TEX9: variants seen among roughly 807,000 people sequenced by gnomAD.
TEX9 encodes the protein testis-expressed protein 9.
TEX9 carries 74 observed loss-of-function variants against 59.6 expected under a neutral mutation model. That is an observed-to-expected ratio of 1.24 (90% CI 1.03 to 1.51). The LOEUF (loss-of-function observed/expected upper bound fraction) is 1.51. Among genes scored for constraint, TEX9 ranks in the 40% most tolerant of loss-of-function variants. The probability of loss-of-function intolerance (pLI) is 0.00; values close to 1 mark genes in which losing one functional copy is unlikely to be tolerated. For synonymous variants in TEX9, 186 were observed against 152.2 expected (o/e 1.22, Z -1.64); for missense variants, 522 against 447.8 (o/e 1.17, Z -1.49).
At chr15:56,429,773 T>TAAAG (rs1315817042) in intron 12 of TEX9, 1 of 152,216 alleles carries the variant, frequency 6.6e-6, no homozygotes, top group East Asian at 1.9e-4. Context: ...ATCTAAAGAA[T>TAAAG]AAAGAATTTT....
intron 1 of TEX9, among the ~76,000 whole-genome samples, chr15:56,265,797 A>G (rs2044365624): frequency 6.6e-6 from 1 of 152,148 alleles, no homozygotes; most frequent in Admixed American, 6.5e-5. Context: ...TTTTTGGAAA[A>G]GAATATTCTC....
At position 56,261,516 on chromosome 15, in the gene TEX9, G is replaced by A. The variant is rs534768806; in HGVS notation, c.-107+17238G>A. 1.1e-4 allele frequency among the ~76,000 whole-genome samples: 16 copies of A among 151,924 alleles called. No individual in the cohort carries two copies. The East Asian group carries it at 2.1e-3, about 20-fold the overall frequency. ...GTGGATCACTTGAGGTCAGGAGTTC[G>A]AGACCAGCCTGACCAACATGGCGAA... is the stretch of plus-strand genomic sequence containing the variant. On this transcript the variant is annotated intron_variant, in intron 1 of 5. Coordinates refer to the TEX9 transcript ENST00000560827.
intron 10 of TEX9, among the ~76,000 whole-genome samples, chr15:56,419,006 A>T (rs962028755): frequency 5.9e-5 from 9 of 151,898 alleles, no homozygotes; most frequent in Admixed American, 1.3e-4. Context: ...TTGACATCTT[A>T]ATAGCGTCTT....
rs1052561447 is a variant in TEX9, at chr15:56,249,661, T to C, written c.-107+5383T>C. ...GCTGAGGCTAAGGCAGAGAATTGCT[T>C]GAATCAGGGAGGTGGAGGTTGCAGT... On this transcript the variant is annotated intron_variant, in intron 1 of 5. Transcript: ENST00000560827. Among the ~76,000 whole-genome samples, 5 of 142,758 alleles carry C rather than the reference T, an allele frequency of 3.5e-5. No individual in the cohort carries two copies. The Admixed American group carries it at 3.8e-4, about 11-fold the overall frequency. The allele number at this position is 142,758 out of a possible 152,430, so 93.7% of individuals were successfully genotyped here.
chr15:56,425,376 C>G (rs1311549078), intron 10 of TEX9, among the ~76,000 whole-genome samples: 1 of 152,108 alleles, frequency 6.6e-6, no homozygotes, highest in Non-Finnish European at 1.5e-5. Flanking sequence ...ACTTGATGGT[C>G]TCCCTTAGCT....
intron 1 of TEX9, among the ~76,000 whole-genome samples, chr15:56,295,298 C>T (rs970921463): frequency 1.7e-4 from 26 of 152,106 alleles, no homozygotes; most frequent in African/African-American, 6.0e-4. Flanking sequence ...AAATGTTTGG[C>T]CCACAGAGCT....
intron 9 of TEX9, among the ~76,000 whole-genome samples, chr15:56,402,870 C>G (rs1270991485): frequency 6.6e-6 from 1 of 152,144 alleles, no homozygotes. Flanking sequence ...ATAAACAGAA[C>G]CAACAACAAA....
intron 12 of TEX9, among the ~76,000 whole-genome samples, chr15:56,437,157 A>AC: frequency 6.6e-6 from 1 of 152,020 alleles, no homozygotes; most frequent in African/African-American, 2.4e-5. Flanking sequence ...CAGAGACACC[A>AC]CAAAAAAAAG....
chr15:56,277,411 C>T (rs1201806305), intron 1 of TEX9, among the ~76,000 whole-genome samples: 1 of 152,170 alleles, frequency 6.6e-6, no homozygotes, highest in African/African-American at 2.4e-5. Flanking sequence ...GTTTTCCCAG[C>T]ACCATTTATT....
At chr15:56,347,061 C>G (rs1481484888) in intron 1 of TEX9, among the ~76,000 whole-genome samples, 1 of 152,074 alleles carries the variant, frequency 6.6e-6, no homozygotes. Flanking sequence ...TCTGCACAAA[C>G]ACTGATGAAA....
the TEX9 span, among the ~76,000 whole-genome samples, chr15:56,454,167 T>C: frequency 2.0e-5 from 3 of 152,178 alleles, no homozygotes; most frequent in Admixed American, 6.5e-5. Context: ...AAAATTCTGG[T>C]TGAGTTGTAA....
At chr15:56,295,160 C>T (rs2045188945) in intron 1 of TEX9, among the ~76,000 whole-genome samples, 2 of 152,058 alleles carry the variant, frequency 1.3e-5, no homozygotes, top group African/African-American at 2.4e-5. Flanking sequence ...ACAGTTCTGA[C>T]CTTATTAGCT....
chr15:56,394,765 C>A lies in TEX9; in HGVS notation c.759C>A (p.Tyr253Ter), dbSNP rs2048376629. 6.2e-7 allele frequency: 1 copy of A among 1,612,876 alleles called. No homozygotes were observed. ...TGCAACAGTCTCAAGTAGAAAAATA[C>A]AAAACTCTTTTCGAAGAAGCAAACA... Residue 253 changes from tyrosine (Y) to a stop codon, truncating the protein, a stop_gained, in exon 9 of 13, where the codon TAC (tyrosine) becomes TAA (stop). Transcript: ENST00000352903. LOFTEE classifies it high-confidence loss of function.
rs1033243105 is a variant in TEX9 at position 56,254,942 on chromosome 15, G to A, written c.-107+10664G>A. ...TATCACCAATAGAATCTCTTTGAAA[G>A]GATGACTATAGGATAAATTTTAACA... On this transcript the variant is annotated intron_variant, in intron 1 of 5. Transcript: ENST00000560827. 2.6e-5 allele frequency among the ~76,000 whole-genome samples: 4 copies of A among 151,858 alleles called. No individual in the cohort carries two copies. In the South Asian group the frequency reaches 8.3e-4, roughly 31 times the overall value.
intron 1 of TEX9, among the ~76,000 whole-genome samples, chr15:56,293,339 G>C (rs1384678924): frequency 6.6e-6 from 1 of 151,554 alleles, no homozygotes; most frequent in Non-Finnish European, 1.5e-5. Context: ...CCCATCAGAC[G>C]CACAAAAAAG....
At chr15:56,268,211 A>G (rs1488716456) in intron 1 of TEX9, among the ~76,000 whole-genome samples, 3 of 152,216 alleles carry the variant, frequency 2.0e-5, no homozygotes, top group African/African-American at 7.2e-5. Context: ...TTATCAGCTT[A>G]AGGAGATTTT....
At chr15:56,351,431 G>C (rs1237353846) in intron 1 of TEX9, among the ~76,000 whole-genome samples, 1 of 152,178 alleles carries the variant, frequency 6.6e-6, no homozygotes, top group Non-Finnish European at 1.5e-5. Flanking sequence ...CTCTCAGTTT[G>C]CCCTCAAAAA....
chr15:56,253,488 C>T lies in TEX9; in HGVS notation c.-107+9210C>T, dbSNP rs182588392. Among the ~76,000 whole-genome samples, 1,115 of 152,182 alleles carry T rather than the reference C, an allele frequency of 7.3e-3. 9 individuals carry two copies. Among genetic ancestry groups the T allele is most frequent in the Non-Finnish European group, 0.012 (792 of 67,984 alleles). On this transcript the variant is annotated intron_variant, in intron 1 of 5. Coordinates refer to the TEX9 transcript ENST00000560827. ...TTTATAGGAACTTTAAACACGTATC[C>T]CTTCTGAGGTCCCTAAAGAAAGCCA...
chr15:56,347,770 T>C (rs2046499514), intron 1 of TEX9, among the ~76,000 whole-genome samples: 1 of 152,104 alleles, frequency 6.6e-6, no homozygotes, highest in Middle Eastern at 3.2e-3. Context: ...AACTGGACTT[T>C]ATTAAAATTA....
Sources: allele counts gnomAD v4.1 joint callset (sites outside exome capture counted in the v4.1 genomes callset), GRCh38; gene constraint gnomAD v4.1.1; transcripts MANE v1.5; gene names NCBI Gene and HGNC (gene_info 2026-07-23, HGNC 2026-07-21).